OPCML: variants seen among roughly 807,000 people sequenced by gnomAD.
OPCML encodes the protein opioid binding protein/cell adhesion molecule like.
OPCML carries 13 observed loss-of-function variants against 37.8 expected under a neutral mutation model. The ratio of observed to expected loss-of-function variants is 0.34; its 90% CI spans 0.22 to 0.55. The LOEUF is 0.55. Among genes scored for constraint, OPCML ranks in the 20% least tolerant of loss-of-function variants. The pLI is 0.91. For synonymous variants in OPCML, 176 were observed against 168.8 expected (o/e 1.04, Z -0.33); for missense variants, 341 against 435.6 (o/e 0.78, Z 1.93).
chr11:132,529,334 A>G (rs773498918), intron 3 of OPCML, 148 bp from the exon 4 acceptor site: 288 of 905,948 alleles, frequency 3.2e-4, no homozygotes, highest in Non-Finnish European at 4.1e-4. Context: ...TGCCAAGGAT[A>G]TGGCCATATA....
intron 1 of OPCML, among the ~76,000 whole-genome samples, chr11:133,357,210 A>G (rs926397309): frequency 2.0e-5 from 3 of 152,220 alleles, no homozygotes; most frequent in African/African-American, 7.2e-5. Context: ...GGATCACTTA[A>G]GAGAGTATAG....
rs190929913 is a variant in OPCML at position 133,034,587 on chromosome 11, C to A, written c.62-91577G>T. Among the ~76,000 whole-genome samples, 4 of 152,230 alleles carry A rather than the reference C, an allele frequency of 2.6e-5. No homozygotes were observed. In the East Asian group the frequency reaches 7.7e-4, roughly 29 times the overall value. On this transcript the variant is annotated intron_variant, in intron 1 of 7. Coordinates refer to ENST00000524381, the MANE Select transcript of OPCML (RefSeq NM_001012393.5). The stretch of plus-strand genomic sequence containing the variant: ...CTGTGACCTTGGTCAAATTGCTGAC[C>A]TTTACTGTGCCTCAACGTTCTTCAA...
intron 3 of OPCML, among the ~76,000 whole-genome samples, chr11:132,553,878 G>T (rs114168241): frequency 5.2e-4 from 79 of 152,236 alleles, no homozygotes; most frequent in African/African-American, 1.9e-3. Context: ...TACTGTGTTT[G>T]GTTTTGAATG....
At chr11:133,466,879 G>GA in intron 1 of OPCML, among the ~76,000 whole-genome samples, 1 of 152,308 alleles carries the variant, frequency 6.6e-6, no homozygotes, top group East Asian at 1.9e-4. Context: ...GTAGCCAATG[G>GA]AAGAAAATGG....
chr11:132,972,624 G>A (rs1946369295), intron 1 of OPCML, among the ~76,000 whole-genome samples: 2 of 152,202 alleles, frequency 1.3e-5, no homozygotes, highest in Non-Finnish European at 2.9e-5. Context: ...TGGAAATGGT[G>A]ACATTTTCCT....
intron 2 of OPCML, among the ~76,000 whole-genome samples, chr11:132,905,482 C>T (rs967950620): frequency 5.3e-5 from 8 of 152,046 alleles, no homozygotes; most frequent in Non-Finnish European, 1.5e-5. Flanking sequence ...ATTCACCTGC[C>T]TCGGCCTCCC....
chr11:133,219,086 A>G (rs540923), intron 1 of OPCML, among the ~76,000 whole-genome samples: 52,740 of 152,114 alleles, frequency 0.35, 10,096 homozygotes, highest in African/African-American at 0.49. Context: ...TGCCTTGACC[A>G]TTATCATGGA....
rs377064190 is a variant in OPCML, at chr11:133,390,468, AAAC to A, written c.61+141793_61+141795del. Among the ~76,000 whole-genome samples the A allele has an allele frequency of 3.3e-3, 496 of 151,920 alleles. 4 individuals are homozygous for A. Among genetic ancestry groups the A allele is most frequent in the African/African-American group, 0.011 (463 of 41,550 alleles). ...ACAGAACAAGACTCCATCTCAACAA[AAAC>A]AACAACAACGACAACAACAAAAAAG... On this transcript the variant is annotated intron_variant, in intron 1 of 7. Transcript: ENST00000524381.
intron 1 of OPCML, among the ~76,000 whole-genome samples, chr11:132,988,854 C>T (rs1422099387): frequency 6.6e-6 from 1 of 152,138 alleles, no homozygotes; most frequent in African/African-American, 2.4e-5. Flanking sequence ...ATTTAAAGAA[C>T]TTCTAATAAT....
At chr11:133,040,132 C>A (rs1482759904) in intron 1 of OPCML, among the ~76,000 whole-genome samples, 5 of 152,016 alleles carry the variant, frequency 3.3e-5, no homozygotes, top group African/African-American at 1.2e-4. Flanking sequence ...ATCCTCACGT[C>A]AACTACTTAA....
intron 1 of OPCML, among the ~76,000 whole-genome samples, chr11:133,241,739 T>G (rs1251912593): frequency 6.6e-6 from 1 of 152,148 alleles, no homozygotes; most frequent in Non-Finnish European, 1.5e-5. Flanking sequence ...GCATTTGCAC[T>G]CCCCGCCGCC....
chr11:132,639,395 G>C (rs1940709727), intron 3 of OPCML, among the ~76,000 whole-genome samples: 1 of 152,220 alleles, frequency 6.6e-6, no homozygotes, highest in Non-Finnish European at 1.5e-5. Context: ...CATGTGAGCA[G>C]GACAAGGCAG....
intron 1 of OPCML, among the ~76,000 whole-genome samples, chr11:133,043,768 G>A (rs542899803): frequency 9.2e-5 from 14 of 152,156 alleles, no homozygotes; most frequent in African/African-American, 2.2e-4. Flanking sequence ...GAAACATAAC[G>A]AGATAAAGCC....
At chr11:132,800,064 G>T (rs772819348) in intron 2 of OPCML, among the ~76,000 whole-genome samples, 26 of 152,144 alleles carry the variant, frequency 1.7e-4, no homozygotes, top group Non-Finnish European at 3.5e-4. Flanking sequence ...AACATTGGAT[G>T]TCTTTCCATT....
intron 1 of OPCML, among the ~76,000 whole-genome samples, chr11:133,204,868 G>GTATATGTA (rs1555114185): frequency 1.7e-5 from 2 of 117,338 alleles, no homozygotes; most frequent in East Asian, 1.2e-3. Context: ...ATATATATGT[G>GTATATGTA]TATATATATA....
At position 133,288,824 on chromosome 11, in the gene OPCML, A is replaced by G. The variant is rs557728088; in HGVS notation, c.61+243440T>C. ...GTTGGGGTTAGTTCACAGGAGGCCA[A>G]CTAGACTGGGGTGTCGGCCAAAGGC... On this transcript the variant is annotated intron_variant, in intron 1 of 7. Coordinates refer to ENST00000524381, the MANE Select transcript of OPCML (RefSeq NM_001012393.5). 2.6e-5 allele frequency among the ~76,000 whole-genome samples: 4 copies of G among 152,288 alleles called. No homozygotes were observed. The South Asian group carries it at 8.3e-4, about 32-fold the overall frequency.
chr11:132,872,234 T>C (rs190907146), intron 2 of OPCML, among the ~76,000 whole-genome samples: 1 of 152,328 alleles, frequency 6.6e-6, no homozygotes, highest in Non-Finnish European at 1.5e-5. Flanking sequence ...TTCAGAAGAA[T>C]ATAACCTGCA....
chr11:132,805,278 A>C (rs1051459741), intron 2 of OPCML, among the ~76,000 whole-genome samples: 1 of 152,224 alleles, frequency 6.6e-6, no homozygotes, highest in Admixed American at 6.5e-5. Flanking sequence ...AGAAGAAAAA[A>C]GGATTTTATG....
chr11:133,480,165 C>T (rs573376266), intron 1 of OPCML, among the ~76,000 whole-genome samples: 3 of 152,344 alleles, frequency 2.0e-5, no homozygotes, highest in Admixed American at 2.0e-4. Context: ...GGCTTGGTCT[C>T]AGTCCTGATC....
Sources: gnomAD v4.1 joint callset for allele counts (sites outside exome capture counted in the v4.1 genomes callset) on GRCh38, gnomAD v4.1.1 for gene constraint, MANE v1.5 for transcripts, NCBI Gene and HGNC (gene_info 2026-07-23, HGNC 2026-07-21) for gene names.